The following CLEC16A variants were observed in gnomAD, a reference collection of about 807,000 sequenced individuals.
CLEC16A encodes C-type lectin domain containing 16A.
In CLEC16A, 51 loss-of-function variants were observed where a neutral mutation model predicts 109.5. That is an observed-to-expected ratio of 0.47 (90% CI 0.37 to 0.59). The LOEUF is 0.59. Among genes scored for constraint, CLEC16A ranks in the 20% least tolerant of loss-of-function variants. The pLI, the probability that CLEC16A is intolerant of heterozygous loss-of-function variation, is 0.00. For synonymous variants in CLEC16A, 673 were observed against 564.2 expected, an observed-to-expected ratio of 1.19 and a Z score of -2.73; for missense variants, 1,339 against 1,394.0, an observed-to-expected ratio of 0.96 and a Z score of 0.63.
At chr16:11,025,019 G>T (rs528915987) in intron 13 of CLEC16A, 98 bp downstream of exon 13, 2 of 890,772 alleles carry the variant, frequency 2.2e-6, no homozygotes, top group Non-Finnish European at 3.6e-6. Context: ...GGTGCTTTCT[G>T]TACAGAATTT....
At chr16:11,172,931 G>A (rs1337823975) in intron 23 of CLEC16A, among the ~76,000 whole-genome samples, 1 of 152,104 alleles carries the variant, frequency 6.6e-6, no homozygotes, top group Admixed American at 6.5e-5. Context: ...TATGAGTCAT[G>A]GCCACCTTGA....
rs556319549 is a variant in CLEC16A, at chr16:11,108,839, G to A, written c.2117-11776G>A. On this transcript the variant is annotated intron_variant, in intron 19 of 23. Coordinates refer to ENST00000409790, the MANE Select transcript of CLEC16A (RefSeq NM_015226.3). ...TTGATGAAACTACTGGGCCGGGCGC[G>A]GTGGCTCATGCCTGTAATCCCAGCA... Among the ~76,000 whole-genome samples, 14 of 152,230 alleles carry A rather than the reference G, an allele frequency of 9.2e-5. No individual in the cohort carries two copies. In the South Asian group the frequency reaches 1.5e-3, roughly 16 times the overall value.
chr16:10,947,862 T>C (rs1279962848), intron 1 of CLEC16A, among the ~76,000 whole-genome samples: 1 of 152,084 alleles, frequency 6.6e-6, no homozygotes, highest in Non-Finnish European at 1.5e-5. Flanking sequence ...TTATTATTAT[T>C]ATTTTTTAAA....
At chr16:11,062,036 A>G (rs2048507366) in intron 19 of CLEC16A, among the ~76,000 whole-genome samples, 1 of 152,092 alleles carries the variant, frequency 6.6e-6, no homozygotes, top group Non-Finnish European at 1.5e-5. Flanking sequence ...TAGACGTGTT[A>G]TTGGCCTAGC....
intron 12 of CLEC16A, 49 bp from the exon 13 acceptor site, chr16:11,024,772 T>G (rs1345732796): frequency 1.4e-6 from 2 of 1,431,658 alleles, no homozygotes; most frequent in South Asian, 2.4e-5. Context: ...AGGGGAGGTG[T>G]TCACCCTTGT....
intron 19 of CLEC16A, among the ~76,000 whole-genome samples, chr16:11,061,480 C>A (rs1294087630): frequency 1.3e-5 from 2 of 152,224 alleles, no homozygotes; most frequent in African/African-American, 4.8e-5. Flanking sequence ...TGGAGAACCA[C>A]GTGCTCAGCC....
chr16:10,948,156 G>C (rs1279059723), intron 1 of CLEC16A, among the ~76,000 whole-genome samples: 1 of 152,194 alleles, frequency 6.6e-6, no homozygotes, highest in African/African-American at 2.4e-5. Context: ...ACCTCCCAAA[G>C]TGCTGGGATT....
intron 3 of CLEC16A, among the ~76,000 whole-genome samples, chr16:10,966,610 A>G (rs2042520457): frequency 6.6e-6 from 1 of 152,154 alleles, no homozygotes; most frequent in Non-Finnish European, 1.5e-5. Context: ...CTTACAGCTC[A>G]GCACTGCTGG....
intron 23 of CLEC16A, among the ~76,000 whole-genome samples, chr16:11,175,272 C>T (rs1037862308): frequency 1.4e-4 from 21 of 152,242 alleles, no homozygotes; most frequent in Non-Finnish European, 2.5e-4. Context: ...GCCACAGCCA[C>T]GGGATGTCTG....
At chr16:10,951,643 CA>C (rs1446791759) in intron 1 of CLEC16A, among the ~76,000 whole-genome samples, 2 of 152,200 alleles carry the variant, frequency 1.3e-5, no homozygotes, top group Non-Finnish European at 2.9e-5. Flanking sequence ...AGCACTCAGA[CA>C]GAGACTGGCA....
In CLEC16A at chr16:11,032,589, G is replaced by A. The variant is rs181806745; in HGVS notation, c.1538-7165G>A. Among the ~76,000 whole-genome samples, 23 of 152,344 alleles carry A rather than the reference G, an allele frequency of 1.5e-4. No individual in the cohort carries two copies. In the East Asian group the frequency reaches 4.4e-3, roughly 29 times the overall value. On this transcript the variant is annotated intron_variant, in intron 13 of 23. Coordinates refer to ENST00000409790, the MANE Select transcript of CLEC16A (RefSeq NM_015226.3). ...AATGGTAGAAGGAAATGAACAGGGT[G>A]GAGTGATGAGGAAGCCTAGTGGTTG...
intron 2 of CLEC16A, 137 bp from the exon 3 acceptor site, chr16:10,962,317 CA>C (rs1340336651): frequency 1.0e-5 from 9 of 892,800 alleles, no homozygotes; most frequent in African/African-American, 1.7e-5. Flanking sequence ...TGGCGGGTGA[CA>C]ATGGGTGGCA....
At chr16:11,089,669 C>T (rs2050197414) in intron 19 of CLEC16A, among the ~76,000 whole-genome samples, 1 of 152,190 alleles carries the variant, frequency 6.6e-6, no homozygotes, top group South Asian at 2.1e-4. Flanking sequence ...TCCACCTGGT[C>T]GCCTGGTCAC....
chr16:11,107,749 T>C (rs1381759336), intron 19 of CLEC16A, among the ~76,000 whole-genome samples: 1 of 152,252 alleles, frequency 6.6e-6, no homozygotes, highest in Non-Finnish European at 1.5e-5. Flanking sequence ...ACTGGCTTCC[T>C]TTTCAAAGCA....
chr16:11,137,238 C>G (rs1334331240), intron 22 of CLEC16A, among the ~76,000 whole-genome samples: 4 of 152,020 alleles, frequency 2.6e-5, no homozygotes, highest in Non-Finnish European at 4.4e-5. Flanking sequence ...CGCAAGTTCT[C>G]ATTAACAGAC....
At chr16:11,063,693 TCTCGGCTGGG>T (rs2048613596) in intron 19 of CLEC16A, among the ~76,000 whole-genome samples, 1 of 152,154 alleles carries the variant, frequency 6.6e-6, no homozygotes, top group South Asian at 2.1e-4. Flanking sequence ...GCAGCAGGTC[TCTCGGCTGGG>T]TGTGACAGCC....
At chr16:11,110,050 G>C (rs1266734848) in intron 19 of CLEC16A, among the ~76,000 whole-genome samples, 1 of 152,200 alleles carries the variant, frequency 6.6e-6, no homozygotes, top group Non-Finnish European at 1.5e-5. Flanking sequence ...GCAAAAGTCA[G>C]TCAGCCCCAT....
chr16:11,139,051 T>G (rs2053701355), intron 22 of CLEC16A, among the ~76,000 whole-genome samples: 1 of 152,030 alleles, frequency 6.6e-6, no homozygotes, highest in African/African-American at 2.4e-5. Context: ...TTGGTTTCCC[T>G]CCCCGAATGT....
At chr16:11,013,011 C>T (rs1014237688) in intron 11 of CLEC16A, among the ~76,000 whole-genome samples, 2 of 152,144 alleles carry the variant, frequency 1.3e-5, no homozygotes, top group Non-Finnish European at 1.5e-5. Flanking sequence ...AGGACAAACT[C>T]ACACGCCCCC....
Sources: allele counts gnomAD v4.1 joint callset (sites outside exome capture counted in the v4.1 genomes callset), GRCh38; gene constraint gnomAD v4.1.1; transcripts MANE v1.5; gene names NCBI Gene and HGNC (gene_info 2026-07-23, HGNC 2026-07-21).